CNTN5: variants seen among roughly 807,000 people sequenced by gnomAD.
CNTN5 encodes contactin-5.
A neutral mutation model predicts 129.1 loss-of-function variants in CNTN5; 77 were observed. That is an observed-to-expected ratio of 0.60 (90% CI 0.50 to 0.72). The LOEUF is 0.72. Among genes scored for constraint, CNTN5 ranks in the 30% least tolerant of loss-of-function variants. The pLI is 0.00. For missense variants in CNTN5, 1,478 were observed against 1,328.8 expected, an observed-to-expected ratio of 1.11 and a Z score of -1.75; for synonymous variants, 509 against 465.6, an observed-to-expected ratio of 1.09 and a Z score of -1.20.
intron 13 of CNTN5, among the ~76,000 whole-genome samples, chr11:100,123,434 T>C (rs1382892267): frequency 6.6e-6 from 1 of 152,074 alleles, no homozygotes; most frequent in Non-Finnish European, 1.5e-5. Flanking sequence ...AGTTGTATGC[T>C]AATCACAAAT....
intron 6 of CNTN5, among the ~76,000 whole-genome samples, chr11:99,886,741 A>G (rs1318274606): frequency 6.6e-6 from 1 of 152,252 alleles, no homozygotes; most frequent in Non-Finnish European, 1.5e-5. Flanking sequence ...TTAATATGTT[A>G]CAGCAGTGAA....
At chr11:99,977,609 G>A (rs1007966950) in intron 8 of CNTN5, among the ~76,000 whole-genome samples, 2 of 152,192 alleles carry the variant, frequency 1.3e-5, no homozygotes, top group African/African-American at 4.8e-5. Flanking sequence ...GAGAGAGAGA[G>A]TGAAGGTGGA....
At chr11:100,355,823 A>G (rs747264512) in intron 24 of CNTN5, among the ~76,000 whole-genome samples, 1 of 151,634 alleles carries the variant, frequency 6.6e-6, no homozygotes, top group Non-Finnish European at 1.5e-5. Flanking sequence ...AAATTATTTT[A>G]TTTTTTATAT....
chr11:100,348,064 C>T lies in CNTN5; in HGVS notation c.3031-2638C>T, dbSNP rs184133059. Among the ~76,000 whole-genome samples the T allele has an allele frequency of 4.0e-5, 6 of 151,636 alleles. No homozygotes were observed. The East Asian group carries it at 7.8e-4, about 20-fold the overall frequency. On this transcript the variant is annotated intron_variant, in intron 23 of 24. Coordinates refer to ENST00000524871, the MANE Select transcript of CNTN5 (RefSeq NM_014361.4). ...ACTGCTCTCAGTTTTTTTTTTAATA[C>T]CAAAATTTGAGAATAGTCTTGACAA...
chr11:99,585,133 T>A (rs1433246284), intron 3 of CNTN5, among the ~76,000 whole-genome samples: 1 of 152,214 alleles, frequency 6.6e-6, no homozygotes, highest in East Asian at 1.9e-4. Context: ...GGATAAAAGA[T>A]CTAATCTATA....
chr11:100,347,021 T>A (rs890107328), intron 23 of CNTN5, among the ~76,000 whole-genome samples: 7 of 152,106 alleles, frequency 4.6e-5, no homozygotes, highest in African/African-American at 1.7e-4. Context: ...GGGAAAGACC[T>A]GTCCCCATGA....
chr11:99,750,206 A>G (rs1180569019), intron 3 of CNTN5, among the ~76,000 whole-genome samples: 1 of 152,208 alleles, frequency 6.6e-6, no homozygotes, highest in Non-Finnish European at 1.5e-5. Context: ...TTAAATTAAT[A>G]TACCTTGAGA....
chr11:100,031,573 GA>G lies in CNTN5; in HGVS notation c.980+29439del, dbSNP rs550275186. Among the ~76,000 whole-genome samples, 69 of 152,266 alleles carry G rather than the reference GA, an allele frequency of 4.5e-4. No individual in the cohort carries two copies. The East Asian group carries it at 0.013, about 28-fold the overall frequency. On this transcript the variant is annotated intron_variant, in intron 9 of 24. Transcript: ENST00000524871. ...AGGGTTAAGGTATACTCCCTTCTGA[GA>G]ATTTCTGGTCTAACCAGTTGTCTAG...
chr11:99,030,851 G>T (rs1176947083), intron 1 of CNTN5, among the ~76,000 whole-genome samples: 4 of 149,118 alleles, frequency 2.7e-5, no homozygotes, highest in African/African-American at 9.9e-5. Flanking sequence ...CGCGATCTCG[G>T]TTCACTGCAA....
At chr11:99,813,405 C>T (rs1001676534) in intron 3 of CNTN5, among the ~76,000 whole-genome samples, 2 of 152,078 alleles carry the variant, frequency 1.3e-5, no homozygotes, top group African/African-American at 4.8e-5. Context: ...ACCAAATGGT[C>T]TATCTTAGAA....
Position 99,815,684 on chromosome 11 carries a change from A to G in CNTN5, c.56-3860A>G, listed in dbSNP as rs375389505. On this transcript the variant is annotated intron_variant, in intron 3 of 24. Transcript: ENST00000524871. ...TGTGGAGCAGGCAGGAAGCTATGAT[A>G]CTGCTGTGTGCACACCCTCTGCAGG... 9.1e-4 allele frequency among the ~76,000 whole-genome samples: 139 copies of G among 152,264 alleles called. 2 individuals are homozygous for G. Among genetic ancestry groups the G allele is most frequent in the African/African-American group, 3.1e-3 (130 of 41,546 alleles).
chr11:100,073,447 A>G (rs1591184142), intron 12 of CNTN5, among the ~76,000 whole-genome samples: 1 of 151,696 alleles, frequency 6.6e-6, no homozygotes. Flanking sequence ...TATATTTTAT[A>G]TATATAATAT....
In CNTN5 at chr11:99,021,213, A is replaced by G; in HGVS notation, c.-267A>G. Reference sequence around the variant, plus strand: ...CTGAACTGTGCTGATGGGCAGGAGGATGGGAGACAGGAATTGAGAGTCACA... The same window carrying G: ...CTGAACTGTGCTGATGGGCAGGAGGGTGGGAGACAGGAATTGAGAGTCACA... On this transcript the variant is annotated 5_prime_UTR_variant, in exon 1 of 25. An upstream start codon of the reference 5' UTR is lost. Coordinates refer to ENST00000524871, the MANE Select transcript of CNTN5 (RefSeq NM_014361.4). 6.6e-6 allele frequency: 1 copy of G among 152,376 alleles called. No homozygotes were observed. The highest frequency in any genetic ancestry group is 6.5e-5 in the Admixed American group (1 of 15,276). 9.4% of individuals were successfully genotyped at this position (152,376 alleles called of 1,614,324 possible).
chr11:100,263,971 T>C (rs2138757508), intron 17 of CNTN5, among the ~76,000 whole-genome samples: 1 of 152,306 alleles, frequency 6.6e-6, no homozygotes, highest in East Asian at 1.9e-4. Flanking sequence ...ATCTTCTACC[T>C]GCTACATCCA....
At chr11:100,126,219 C>A (rs1297439740) in intron 13 of CNTN5, among the ~76,000 whole-genome samples, 2 of 151,860 alleles carry the variant, frequency 1.3e-5, no homozygotes, top group African/African-American at 4.8e-5. Flanking sequence ...ACTTCCTGGG[C>A]AGATCTTGGA....
intron 2 of CNTN5, among the ~76,000 whole-genome samples, chr11:99,506,351 G>A (rs979851594): frequency 6.6e-6 from 1 of 152,144 alleles, no homozygotes; most frequent in African/African-American, 2.4e-5. Flanking sequence ...TCCATCATGT[G>A]AGCATCTTGC....
chr11:99,903,429 A>G (rs754630258), intron 6 of CNTN5, among the ~76,000 whole-genome samples: 7 of 152,074 alleles, frequency 4.6e-5, no homozygotes, highest in Non-Finnish European at 1.0e-4. Flanking sequence ...AGGGAAAAAA[A>G]AACTATTTCT....
At chr11:100,034,643 G>C (rs781452330) in intron 9 of CNTN5, among the ~76,000 whole-genome samples, 1 of 152,180 alleles carries the variant, frequency 6.6e-6, no homozygotes, top group Non-Finnish European at 1.5e-5. Context: ...CTGGAGCACA[G>C]CCATGTCCAT....
At chr11:99,197,994 C>T (rs911350119) in intron 1 of CNTN5, among the ~76,000 whole-genome samples, 1 of 151,990 alleles carries the variant, frequency 6.6e-6, no homozygotes, top group African/African-American at 2.4e-5. Context: ...TTTTAAAATC[C>T]AAAATCCATG....
Sources: allele counts gnomAD v4.1 joint callset (sites outside exome capture counted in the v4.1 genomes callset), GRCh38; gene constraint gnomAD v4.1.1; transcripts MANE v1.5; gene names NCBI Gene and HGNC (gene_info 2026-07-23, HGNC 2026-07-21).